The following PITPNA variants were observed in gnomAD, a reference collection of about 807,000 sequenced individuals.
The protein encoded by PITPNA is phosphatidylinositol transfer protein alpha isoform.
In PITPNA, 13 loss-of-function variants were observed where a neutral mutation model predicts 50.3. That is an observed-to-expected ratio of 0.26 (90% CI 0.17 to 0.41). The LOEUF (loss-of-function observed/expected upper bound fraction) is 0.41, where lower values mean the gene tolerates loss of function less well. Among genes scored for constraint, PITPNA ranks in the 10% least tolerant of loss-of-function variants. PITPNA has a pLI of 1.00. For missense variants in PITPNA, 207 were observed against 333.4 expected, an observed-to-expected ratio of 0.62 and a Z score of 2.95; for synonymous variants, 120 against 119.6, an observed-to-expected ratio of 1.00 and a Z score of -0.02.
chr17:1,554,925 C>A (rs986694806), intron 2 of PITPNA, among the ~76,000 whole-genome samples: 5 of 152,162 alleles, frequency 3.3e-5, no homozygotes, highest in African/African-American at 1.2e-4. Flanking sequence ...GCCTCAATGC[C>A]CCCCTGGAGC....
chr17:1,536,030 G>A (rs924004047), intron 7 of PITPNA, among the ~76,000 whole-genome samples: 3 of 152,130 alleles, frequency 2.0e-5, no homozygotes, highest in Non-Finnish European at 4.4e-5. Context: ...CCTCTGGCTT[G>A]TTTTAACAAA....
At chr17:1,520,607 G>A (rs1047390612) in intron 11 of PITPNA, 69 bp from the exon 12 acceptor site, 1 of 151,768 alleles carries the variant, frequency 6.6e-6, no homozygotes, top group African/African-American at 2.4e-5. Context: ...CGTCCTGAAT[G>A]GATAATTTCA....
At chr17:1,561,880 C>T (rs2075770094) in intron 1 of PITPNA, among the ~76,000 whole-genome samples, 1 of 152,198 alleles carries the variant, frequency 6.6e-6, no homozygotes, top group Non-Finnish European at 1.5e-5. Flanking sequence ...GAGCCTCTGA[C>T]CCATCCACCC....
In PITPNA at chr17:1,530,499, G is replaced by C. The variant is rs151181394; in HGVS notation, c.768+3600C>G. ...CAAGAATGGTGGGTCCGCCCGGACA[G>C]GGACTAGAGTTACAGCAGTGATGAC... On this transcript the variant is annotated intron_variant, in intron 10 of 11. Transcript: ENST00000313486. Among the ~76,000 whole-genome samples the C allele has an allele frequency of 2.3e-3, 345 of 152,334 alleles. 4 individuals are homozygous for C. The highest frequency in any genetic ancestry group is 7.8e-3 in the African/African-American group (323 of 41,576).
chr17:1,519,399 A>G lies in PITPNA; in HGVS notation c.*1162T>C, dbSNP rs910892649. ...GTTCCCCTGGAGCCTGGACTTCCTC[A>G]CCAGCCTACTTTGGTCGGGTTCTGT... is the stretch of plus-strand genomic sequence containing the variant. On this transcript the variant is annotated 3_prime_UTR_variant, in exon 12 of 12. Transcript: ENST00000313486. 3 of 152,428 alleles carry G rather than the reference A, an allele frequency of 2.0e-5. No homozygotes were observed. The highest frequency in any genetic ancestry group is 4.4e-5 in the Non-Finnish European group (3 of 68,082). The allele number at this position is 152,428 out of a possible 1,614,324, so 9.4% of individuals were successfully genotyped here.
chr17:1,520,977 A>G (rs2075507951), intron 11 of PITPNA, among the ~76,000 whole-genome samples: 1 of 152,098 alleles, frequency 6.6e-6, no homozygotes, highest in Admixed American at 6.5e-5. Context: ...ACCAGCACCG[A>G]GAGTTAACGG....
intron 8 of PITPNA, 72 bp downstream of exon 8, chr17:1,535,369 T>A: frequency 6.7e-7 from 1 of 1,498,568 alleles, no homozygotes. Flanking sequence ...ACCCCAGCCA[T>A]GCCCCTCCTC....
chr17:1,553,030 G>A lies in PITPNA; in HGVS notation c.171C>T (p.Tyr57=), dbSNP rs1381524293. The A allele has an allele frequency of 6.2e-7, 1 of 1,613,946 alleles. No homozygotes were observed. Among genetic ancestry groups the A allele is most frequent in the Admixed American group, 1.7e-5 (1 of 60,018 alleles). Residue 57 remains tyrosine (Y), a synonymous_variant, in exon 3 of 12, where the codon TAC becomes TAT. Coordinates refer to ENST00000313486, the MANE Select transcript of PITPNA (RefSeq NM_006224.4). The part of the protein sequence containing the change: ...PYEKDGEKGQ[Y]THKIYHLQSK... ...TCTGCAGGTGGTAGATCTTGTGTGTGTACTGGCCTTTCTCACCGTCCTTCT... is the reference window on the plus strand; with the variant it reads ...TCTGCAGGTGGTAGATCTTGTGTGTATACTGGCCTTTCTCACCGTCCTTCT...
intron 6 of PITPNA, 52 bp from the exon 7 acceptor site, chr17:1,539,004 T>C (rs2075633740): frequency 1.1e-5 from 14 of 1,244,292 alleles, no homozygotes; most frequent in Non-Finnish European, 1.5e-5. Flanking sequence ...TTATAAAATA[T>C]CCTTTAGCCA....
At chr17:1,556,900 C>T (rs1279495107) in intron 2 of PITPNA, among the ~76,000 whole-genome samples, 2 of 151,876 alleles carry the variant, frequency 1.3e-5, no homozygotes, top group Non-Finnish European at 2.9e-5. Flanking sequence ...GCAAGACCAG[C>T]GTGGACAACA....
In PITPNA at chr17:1,534,235, G is replaced by A. The variant is rs2075601732; in HGVS notation, c.646-14C>T. 1 of 1,613,414 alleles carries A rather than the reference G, an allele frequency of 6.2e-7. No homozygotes were observed. Among genetic ancestry groups the A allele is most frequent in the African/African-American group, 1.3e-5 (1 of 74,860 alleles). ...ACGCCTCTCTTGCTATAGAAAGGAGGGAACCACGTTAGAACGCAGAAGGCA... is the reference window on the plus strand; with the variant it reads ...ACGCCTCTCTTGCTATAGAAAGGAGAGAACCACGTTAGAACGCAGAAGGCA... On this transcript the variant is annotated splice_polypyrimidine_tract_variant and intron_variant, in intron 9 of 11. Transcript: ENST00000313486.
intron 3 of PITPNA, among the ~76,000 whole-genome samples, chr17:1,550,052 T>A (rs1413066715): frequency 6.6e-6 from 1 of 152,204 alleles, no homozygotes; most frequent in Non-Finnish European, 1.5e-5. Context: ...GCCTCAGGCC[T>A]AAGAAAGAAG....
chr17:1,527,478 G>T (rs2075554466), intron 10 of PITPNA, among the ~76,000 whole-genome samples: 1 of 150,928 alleles, frequency 6.6e-6, no homozygotes, highest in Non-Finnish European at 1.5e-5. Flanking sequence ...CCAAGCTCAG[G>T]TGATCCACCC....
In PITPNA at chr17:1,536,283, T is replaced by G. The variant is rs186628346; in HGVS notation, c.457-765A>C. 7.4e-3 allele frequency among the ~76,000 whole-genome samples: 1,123 copies of G among 151,836 alleles called. 21 individuals are homozygous for G. The highest frequency in any genetic ancestry group is 0.025 in the African/African-American group (1,036 of 41,202). ...AAGTATTTCCCAAAGCTGAGAAGTT[T>G]TTTTTTTTTTTCTTTTTTTTTTGAG... On this transcript the variant is annotated intron_variant, in intron 7 of 11. Transcript: ENST00000313486.
At chr17:1,521,528 C>T (rs561011164) in intron 11 of PITPNA, 51 bp downstream of exon 11, 4 of 1,364,470 alleles carry the variant, frequency 2.9e-6, no homozygotes, top group South Asian at 2.3e-5. Context: ...CCTTGAAACC[C>T]AAACTGATTT....
chr17:1,556,670 G>A (rs2075736432), intron 2 of PITPNA, among the ~76,000 whole-genome samples: 1 of 152,146 alleles, frequency 6.6e-6, no homozygotes, highest in African/African-American at 2.4e-5. Context: ...TCTTCCTAAC[G>A]ATCGGGGTGG....
At chr17:1,549,907 T>C (rs912274125) in intron 3 of PITPNA, among the ~76,000 whole-genome samples, 2 of 151,932 alleles carry the variant, frequency 1.3e-5, no homozygotes, top group African/African-American at 2.4e-5. Flanking sequence ...ACTCCTGACC[T>C]CGGGCAATCT....
chr17:1,547,727 C>T (rs751979623), intron 4 of PITPNA, among the ~76,000 whole-genome samples: 2 of 151,604 alleles, frequency 1.3e-5, no homozygotes, highest in African/African-American at 2.4e-5. Context: ...GGCACAGTGG[C>T]TCACACCTAT....
In PITPNA at chr17:1,525,709, G is replaced by T. The variant is rs567072541; in HGVS notation, c.769-4064C>A. 7.2e-5 allele frequency among the ~76,000 whole-genome samples: 11 copies of T among 152,068 alleles called. 1 individual carries two copies. Among genetic ancestry groups the T allele is most frequent in the African/African-American group, 2.2e-4 (9 of 41,478 alleles). ...AATTTTCTATTTTTAGTAGAGACGA[G>T]GTTTCTCCATGTTGGCCAGGCTGGT... On this transcript the variant is annotated intron_variant, in intron 10 of 11. Coordinates refer to ENST00000313486, the MANE Select transcript of PITPNA (RefSeq NM_006224.4).
Sources: allele counts gnomAD v4.1 joint callset (sites outside exome capture counted in the v4.1 genomes callset), GRCh38; gene constraint gnomAD v4.1.1; transcripts MANE v1.5; gene names NCBI Gene and HGNC (gene_info 2026-07-23, HGNC 2026-07-21).